Variants in PPP2R2A observed in about 807,000 individuals in gnomAD.
PPP2R2A encodes the protein protein phosphatase 2 regulatory subunit Balpha.
PPP2R2A carries 9 observed loss-of-function variants against 53.2 expected under a neutral mutation model. That is an observed-to-expected ratio of 0.17 (90% CI 0.10 to 0.30). PPP2R2A has a LOEUF of 0.30. Among genes scored for constraint, PPP2R2A ranks in the 10% least tolerant of loss-of-function variants. The pLI is 1.00. For synonymous variants in PPP2R2A, 169 were observed against 174.2 expected, an observed-to-expected ratio of 0.97 and a Z score of 0.23; for missense variants, 235 against 534.6, an observed-to-expected ratio of 0.44 and a Z score of 5.53.
chr8:26,302,923 A>G (rs941240910), intron 2 of PPP2R2A, among the ~76,000 whole-genome samples: 1 of 152,206 alleles, frequency 6.6e-6, no homozygotes, highest in Non-Finnish European at 1.5e-5. Flanking sequence ...AAGGTCTTTG[A>G]TGGTCTAAGA....
At chr8:26,306,251 G>A (rs1802015413) in intron 2 of PPP2R2A, among the ~76,000 whole-genome samples, 1 of 151,672 alleles carries the variant, frequency 6.6e-6, no homozygotes, top group Non-Finnish European at 1.5e-5. Context: ...CAAGGTGGGT[G>A]GATTGCTTGA....
At chr8:26,292,440 A>G (rs960854459) in intron 1 of PPP2R2A, 8 of 985,012 alleles carry the variant, frequency 8.1e-6, no homozygotes, top group African/African-American at 1.7e-5. Flanking sequence ...AAGGCCTTTC[A>G]TGTACAGCAA....
At chr8:26,322,426 T>G (rs576310804) in intron 2 of PPP2R2A, among the ~76,000 whole-genome samples, 1 of 152,280 alleles carries the variant, frequency 6.6e-6, no homozygotes, top group South Asian at 2.1e-4. Context: ...GTAGGAAGTT[T>G]TGATGGACAG....
chr8:26,306,318 G>A (rs561442708), intron 2 of PPP2R2A, among the ~76,000 whole-genome samples: 50 of 147,848 alleles, frequency 3.4e-4, no homozygotes, highest in African/African-American at 1.2e-3. Context: ...TCTACTAAAA[G>A]TACAAAAATT....
chr8:26,320,164 T>G (rs1011023349), intron 2 of PPP2R2A, among the ~76,000 whole-genome samples: 1 of 152,214 alleles, frequency 6.6e-6, no homozygotes, highest in African/African-American at 2.4e-5. Flanking sequence ...GATAGCTACC[T>G]GTGTTGGTTA....
chr8:26,308,319 T>C (rs1802117116), intron 2 of PPP2R2A, among the ~76,000 whole-genome samples: 1 of 152,362 alleles, frequency 6.6e-6, no homozygotes, highest in African/African-American at 2.4e-5. Context: ...CAGTTGACTC[T>C]TTCATGAAAG....
chr8:26,291,579 A>G lies in PPP2R2A; in HGVS notation c.-241A>G. On this transcript the variant is annotated 5_prime_UTR_variant, in exon 1 of 10. Transcript: ENST00000380737. ...CTGCCGCCGCCGCCGTCGCTGTCGT[A>G]GTCGCCGCCGCCGCTGCCGGAGAAA... 2 of 544,150 alleles carry G rather than the reference A, an allele frequency of 3.7e-6. No homozygotes were observed. Among genetic ancestry groups the G allele is most frequent in the South Asian group, 4.4e-5 (2 of 45,816 alleles). The allele number at this position is 544,150 out of a possible 1,614,324, so 33.7% of individuals were successfully genotyped here.
chr8:26,299,678 T>C (rs1054766583), intron 2 of PPP2R2A, among the ~76,000 whole-genome samples: 1 of 152,166 alleles, frequency 6.6e-6, no homozygotes, highest in African/African-American at 2.4e-5. Flanking sequence ...TGTTTAATGC[T>C]ATAATGTAAA....
chr8:26,354,583 T>C lies in PPP2R2A; in HGVS notation c.296T>C (p.Ile99Thr). ...GAAATAGAAGAAAAGATCAACAAAA[T>C]TAGGTGGTTACCCCAGAAAAATGCT... is the stretch of plus-strand genomic sequence containing the variant. ...SLEIEEKINKIRWLPQKNAAQ... is the reference protein window; with the variant it reads ...SLEIEEKINKTRWLPQKNAAQ... Residue 99 changes from isoleucine to threonine, a missense_variant, in exon 4 of 10, where the codon ATT becomes ACT. By Grantham distance (89) the Ile-to-Thr change is moderately conservative (BLOSUM62 -1). Transcript: ENST00000380737. This position sits in a 1 kb window ranked among gnomAD's most constrained non-coding sequence, Gnocchi z 4.6. 1.9e-6 allele frequency: 3 copies of C among 1,610,580 alleles called. No homozygotes were observed. Among genetic ancestry groups the C allele is most frequent in the Non-Finnish European group, 2.5e-6 (3 of 1,178,116 alleles).
intron 2 of PPP2R2A, among the ~76,000 whole-genome samples, chr8:26,301,431 C>T (rs774823561): frequency 2.0e-5 from 3 of 151,348 alleles, no homozygotes; most frequent in Non-Finnish European, 4.4e-5. Flanking sequence ...CTCCCAGGCT[C>T]AAGCGATCCT....
At chr8:26,315,524 C>T (rs1005405617) in intron 2 of PPP2R2A, among the ~76,000 whole-genome samples, 7 of 152,166 alleles carry the variant, frequency 4.6e-5, no homozygotes, top group South Asian at 4.1e-4. Flanking sequence ...TTCTCAAGGT[C>T]AGGTTCAGTT....
intron 2 of PPP2R2A, among the ~76,000 whole-genome samples, chr8:26,307,682 T>G (rs1042986209): frequency 2.6e-5 from 4 of 152,246 alleles, no homozygotes; most frequent in Non-Finnish European, 5.9e-5. Context: ...ACAACTTTGA[T>G]TATAAATGTC....
At chr8:26,349,739 T>C (rs1288404219) in intron 3 of PPP2R2A, among the ~76,000 whole-genome samples, 3 of 152,308 alleles carry the variant, frequency 2.0e-5, no homozygotes, top group African/African-American at 7.2e-5. Flanking sequence ...CTCTCCTTTA[T>C]GAGCCTGTCT....
intron 2 of PPP2R2A, among the ~76,000 whole-genome samples, chr8:26,308,923 T>A (rs1365803854): frequency 6.6e-6 from 1 of 152,128 alleles, no homozygotes; most frequent in East Asian, 1.9e-4. Context: ...TGCAGTGGTG[T>A]GATCATGGCT....
At chr8:26,319,006 C>T (rs1321947135) in intron 2 of PPP2R2A, among the ~76,000 whole-genome samples, 1 of 152,204 alleles carries the variant, frequency 6.6e-6, no homozygotes, top group African/African-American at 2.4e-5. Context: ...CCCATTAAAA[C>T]ATTAACTCCT....
intron 2 of PPP2R2A, among the ~76,000 whole-genome samples, chr8:26,310,494 A>G (rs982963751): frequency 6.6e-6 from 1 of 151,602 alleles, no homozygotes; most frequent in Non-Finnish European, 1.5e-5. Context: ...GAGAAGATAA[A>G]TGGCTGTATG....
Position 26,372,664 on chromosome 8 carries a change from ATTATAC to A in PPP2R2A, c.*2255_*2260del, listed in dbSNP as rs1216277183. On this transcript the variant is annotated 3_prime_UTR_variant, in exon 10 of 10. Transcript: ENST00000380737. ...ATGGTTAATCTTTTTATTAATAAAA[ATTATAC>A]TTAGAATAAACTTAGTCTTGTCAAG... The A allele has an allele frequency of 5.3e-5, 8 of 152,198 alleles. No individual in the cohort carries two copies. The highest frequency in any genetic ancestry group is 1.9e-4 in the East Asian group (1 of 5,204). 9.4% of individuals were successfully genotyped at this position (152,198 alleles called of 1,614,324 possible). A position where few individuals can be genotyped will look rare whatever the true frequency, so the allele number is the denominator to read the frequency against.
intron 3 of PPP2R2A, 63 bp downstream of exon 3, chr8:26,339,050 A>G (rs903593364): frequency 1.4e-5 from 17 of 1,219,648 alleles, no homozygotes; most frequent in Non-Finnish European, 1.9e-5. Flanking sequence ...CTTGTGTTGC[A>G]CTGGAGAATC....
chr8:26,297,162 T>C (rs1318934472), intron 2 of PPP2R2A, among the ~76,000 whole-genome samples: 3 of 152,078 alleles, frequency 2.0e-5, no homozygotes, highest in Admixed American at 6.5e-5. Context: ...TAGGCTGGAG[T>C]GCAGTGGCAC....
Sources: gnomAD v4.1 joint callset for allele counts (sites outside exome capture counted in the v4.1 genomes callset) on GRCh38, gnomAD v4.1.1 for gene constraint, Gnocchi (gnomAD v3.1) non-coding constraint, MANE v1.5 for transcripts, NCBI Gene and HGNC (gene_info 2026-07-23, HGNC 2026-07-21) for gene names.